Variants in ARHGAP15 observed in about 807,000 individuals in gnomAD.
The protein encoded by ARHGAP15 is Rho GTPase activating protein 15.
ARHGAP15 carries 51 observed loss-of-function variants against 63.7 expected under a neutral mutation model. The observed-to-expected ratio is 0.80, with a 90% CI of 0.64 to 1.01. The LOEUF is 1.01. ARHGAP15 is among the 50% of genes least tolerant of loss of function. The probability of loss-of-function intolerance (pLI) is 0.00; values close to 1 mark genes in which losing one functional copy is unlikely to be tolerated. For missense variants in ARHGAP15, 560 were observed against 564.6 expected (o/e 0.99, Z 0.08); for synonymous variants, 191 against 193.8 (o/e 0.99, Z 0.12).
At chr2:143,535,766 AG>A in intron 10 of ARHGAP15, among the ~76,000 whole-genome samples, 1 of 152,320 alleles carries the variant, frequency 6.6e-6, no homozygotes, top group African/African-American at 2.4e-5. Flanking sequence ...TGGAGGAAAC[AG>A]GGAAATTAAG....
At chr2:143,372,349 TA>T (rs35140789) in intron 6 of ARHGAP15, among the ~76,000 whole-genome samples, 16,065 of 114,064 alleles carry the variant, frequency 0.14, 1,171 homozygotes, top group Non-Finnish European at 0.18. Context: ...GTAGTCGATT[TA>T]AAAAAAAAAA....
intron 13 of ARHGAP15, among the ~76,000 whole-genome samples, chr2:143,713,246 G>A (rs763980537): frequency 6.6e-6 from 1 of 152,052 alleles, no homozygotes; most frequent in African/African-American, 2.4e-5. Flanking sequence ...CTTCTTATAT[G>A]GTGGCAGCAA....
At chr2:143,753,324 G>T (rs1686452791) in intron 13 of ARHGAP15, among the ~76,000 whole-genome samples, 1 of 152,138 alleles carries the variant, frequency 6.6e-6, no homozygotes, top group South Asian at 2.1e-4. Flanking sequence ...TGCAAGCAAA[G>T]CAGCCACCAT....
intron 8 of ARHGAP15, among the ~76,000 whole-genome samples, chr2:143,452,076 C>G (rs556071886): frequency 6.6e-6 from 1 of 151,980 alleles, no homozygotes; most frequent in South Asian, 2.1e-4. Context: ...ATGTGAAGCC[C>G]CTGGTGAAAA....
chr2:143,715,500 T>A (rs1274275642), intron 13 of ARHGAP15, among the ~76,000 whole-genome samples: 2 of 152,224 alleles, frequency 1.3e-5, no homozygotes, highest in African/African-American at 4.8e-5. Flanking sequence ...CACCTGATAT[T>A]TTTCTTTTCA....
intron 6 of ARHGAP15, among the ~76,000 whole-genome samples, chr2:143,318,091 C>A: frequency 6.6e-6 from 1 of 152,004 alleles, no homozygotes; most frequent in Admixed American, 6.6e-5. Context: ...CTCCGCCTCC[C>A]GGGTTCAAGC....
Position 143,673,750 on chromosome 2 carries a change from GTGTGTGTGTA to G in ARHGAP15, c.1139-29667_1139-29658del, listed in dbSNP as rs1682663157. ...TGTGTGTGTGTGTGTGTGTGTGTGT[GTGTGTGTGTA>G]TATATATATATATATATATATATAA... On this transcript the variant is annotated intron_variant, in intron 12 of 13. Coordinates refer to ENST00000295095, the MANE Select transcript of ARHGAP15 (RefSeq NM_018460.4). Among the ~76,000 whole-genome samples the G allele has an allele frequency of 5.8e-5, 2 of 34,632 alleles. 1 individual carries two copies. Among genetic ancestry groups the G allele is most frequent in the Non-Finnish European group, 1.5e-4 (2 of 13,538 alleles). 22.7% of individuals were successfully genotyped at this position (34,632 alleles called of 152,430 possible).
rs1265345162 is a variant in ARHGAP15, at chr2:143,408,011, A to G, written c.475-27590A>G. Among the ~76,000 whole-genome samples the G allele has an allele frequency of 1.3e-4, 10 of 77,038 alleles. 1 individual carries two copies. In the South Asian group the frequency reaches 1.4e-3, roughly 11 times the overall value. The allele number at this position is 77,038 out of a possible 152,430, so 50.5% of individuals were successfully genotyped here. A position where few individuals can be genotyped will look rare whatever the true frequency, so the allele number is the denominator to read the frequency against. On this transcript the variant is annotated intron_variant, in intron 6 of 13. Coordinates refer to ENST00000295095, the MANE Select transcript of ARHGAP15 (RefSeq NM_018460.4). ...TGTATATATATATATATATATATAT[A>G]TATATATATATATATATATATCCTT...
At chr2:143,648,857 C>CATCT (rs1455445118) in intron 12 of ARHGAP15, 3 of 151,932 alleles carry the variant, frequency 2.0e-5, no homozygotes, top group African/African-American at 7.2e-5. Context: ...TCTCCATCTT[C>CATCT]ATCTATCTTT....
intron 2 of ARHGAP15, among the ~76,000 whole-genome samples, chr2:143,189,164 A>G (rs965221641): frequency 1.6e-4 from 24 of 152,282 alleles, no homozygotes; most frequent in African/African-American, 5.8e-4. Flanking sequence ...GCCTCCAGTC[A>G]GTTTTAGAAG....
At chr2:143,152,144 T>A (rs1432086324) in intron 1 of ARHGAP15, among the ~76,000 whole-genome samples, 1 of 152,000 alleles carries the variant, frequency 6.6e-6, no homozygotes, top group Non-Finnish European at 1.5e-5. Context: ...TCTCAGTCAA[T>A]CATTCAGCCA....
chr2:143,594,661 A>G (rs1697444354), intron 11 of ARHGAP15, among the ~76,000 whole-genome samples: 1 of 152,204 alleles, frequency 6.6e-6, no homozygotes, highest in Non-Finnish European at 1.5e-5. Flanking sequence ...CCTCTAAAAC[A>G]AAGGAAAAAT....
In ARHGAP15 at chr2:143,216,430, G is replaced by T. The variant is rs1053424656; in HGVS notation, c.281G>T (p.Gly94Val). The T allele has an allele frequency of 6.2e-7, 1 of 1,609,224 alleles. No homozygotes were observed. The highest frequency in any genetic ancestry group is 8.5e-7 in the Non-Finnish European group (1 of 1,177,460). The part of the protein sequence containing the change: ...GYLQKAKIAD[G>V]GKKLRKNWST... ...CTGCAAAAAGCTAAAATTGCAGATG[G>T]AGGAAAGAAACTAAGGTAATAAAAT... The change falls in exon 4 of 14, where the codon GGA (glycine) becomes GTA (valine). Residue 94 changes from glycine (G) to valine (V), a missense_variant. Coordinates refer to ENST00000295095, the MANE Select transcript of ARHGAP15 (RefSeq NM_018460.4).
At chr2:143,651,522 T>C (rs1681163388) in intron 12 of ARHGAP15, among the ~76,000 whole-genome samples, 1 of 152,042 alleles carries the variant, frequency 6.6e-6, no homozygotes, top group African/African-American at 2.4e-5. Context: ...CAAATAAAGC[T>C]GCAATGAATA....
chr2:143,382,596 C>T (rs1687106859), intron 6 of ARHGAP15, among the ~76,000 whole-genome samples: 1 of 152,160 alleles, frequency 6.6e-6, no homozygotes, highest in South Asian at 2.1e-4. Context: ...AATCCGGTCA[C>T]CTTCTGAGGT....
At chr2:143,200,150 G>A (rs1021606625) in intron 2 of ARHGAP15, among the ~76,000 whole-genome samples, 3 of 152,178 alleles carry the variant, frequency 2.0e-5, no homozygotes, top group East Asian at 1.9e-4. Context: ...GACAGTCCCC[G>A]GCTCTCCTTT....
intron 12 of ARHGAP15, among the ~76,000 whole-genome samples, chr2:143,651,446 C>T (rs915942586): frequency 6.6e-6 from 1 of 151,868 alleles, no homozygotes; most frequent in Non-Finnish European, 1.5e-5. Context: ...ATGGATACAA[C>T]AAAATTTGCT....
At chr2:143,330,304 T>C (rs982785232) in intron 6 of ARHGAP15, among the ~76,000 whole-genome samples, 2 of 151,896 alleles carry the variant, frequency 1.3e-5, no homozygotes, top group East Asian at 1.9e-4. Context: ...TTCAACATTC[T>C]GCCTAAAAAA....
chr2:143,477,185 T>C (rs936072059), intron 8 of ARHGAP15, among the ~76,000 whole-genome samples: 1 of 146,314 alleles, frequency 6.8e-6, no homozygotes, highest in Non-Finnish European at 1.5e-5. Context: ...CACACACACA[T>C]GCTCGCACAC....
Sources: allele counts gnomAD v4.1 joint callset (sites outside exome capture counted in the v4.1 genomes callset), GRCh38; gene constraint gnomAD v4.1.1; transcripts MANE v1.5; gene names NCBI Gene and HGNC (gene_info 2026-07-23, HGNC 2026-07-21).